SMIM29: variants seen among roughly 807,000 people sequenced by gnomAD.
The protein encoded by SMIM29 is small integral membrane protein 29, also known as uncharacterized protein C6orf1.
Under a neutral mutation model 12.9 loss-of-function variants are expected in SMIM29, and 4 were observed. That is an observed-to-expected ratio of 0.31 (90% confidence interval 0.15 to 0.71). SMIM29 has a LOEUF of 0.71. Ranked by LOEUF, SMIM29 falls within the 30% of genes least tolerant of loss-of-function variation. The pLI, the probability that SMIM29 is intolerant of heterozygous loss-of-function variation, is 0.70. For synonymous variants in SMIM29, 50 were observed against 52.0 expected, an observed-to-expected ratio of 0.96 and a Z score of 0.17; for missense variants, 122 against 138.1, an observed-to-expected ratio of 0.88 and a Z score of 0.58.
At chr6:34,248,448 G>A (rs1399860581) in intron 1 of SMIM29, 2 of 983,890 alleles carry the variant, frequency 2.0e-6, no homozygotes, top group African/African-American at 3.5e-5. Flanking sequence ...GGGTGGACAC[G>A]AGTGGGTAAA....
chr6:34,247,767 C>G lies in SMIM29; in HGVS notation c.25G>C (p.Ala9Pro). 1 of 1,352,080 alleles carries G rather than the reference C, an allele frequency of 7.4e-7. No homozygotes were observed. The allele number at this position is 1,352,080 out of a possible 1,614,324, so 83.8% of individuals were successfully genotyped here. A position where few individuals can be genotyped will look rare whatever the true frequency, so the allele number is the denominator to read the frequency against. Residue 9 changes from alanine (A) to proline (P), a missense_variant, in exon 2 of 5, where the codon GCC becomes CCC. By Grantham distance (27) the Ala-to-Pro change is conservative (BLOSUM62 -1). Coordinates refer to ENST00000476320, the MANE Select transcript of SMIM29 (RefSeq NM_001008703.4). Reference protein sequence around the residue: MSNTTVPNAPQANSDSMVG... With the variant: MSNTTVPNPPQANSDSMVG... ...ATGGAGTCGCTGTTGGCCTGGGGGG[C>G]ATTGGGCACAGTGGTGTTACTCATG... is the stretch of plus-strand genomic sequence containing the variant.
rs775701203 is a variant in SMIM29, at chr6:34,246,808, T to A, written c.304A>T (p.Thr102Ser). Reference protein sequence around the residue: ...HKRMPLLDVKT With the variant: ...HKRMPLLDVKS ...GGTGGGGCAAGGGGGTCAGGTCACG[T>A]CTTGACATCCAGCAGTGGCATCCGC... Residue 102 changes from threonine to serine, a missense_variant, in exon 5 of 5, where the codon ACG becomes TCG. Coordinates refer to ENST00000476320, the MANE Select transcript of SMIM29 (RefSeq NM_001008703.4). 6.2e-7 allele frequency: 1 copy of A among 1,612,780 alleles called. No homozygotes were observed. The highest frequency in any genetic ancestry group is 1.1e-5 in the South Asian group (1 of 91,068).
chr6:34,246,570 C>T lies in SMIM29; in HGVS notation c.*233G>A, dbSNP rs755496111. On this transcript the variant is annotated 3_prime_UTR_variant, in exon 5 of 5. Transcript: ENST00000476320. ...CCCATCCCAGAAGGAAAGCCTCTTC[C>T]CATGAGTGCCTGTGGGTGGGCGGTG... is the stretch of plus-strand genomic sequence containing the variant. 5 of 1,601,162 alleles carry T rather than the reference C, an allele frequency of 3.1e-6. No homozygotes were observed. Among genetic ancestry groups the T allele is most frequent in the South Asian group, 2.2e-5 (2 of 89,776 alleles).
chr6:34,247,186 C>T (rs1762829215), intron 3 of SMIM29, 37 bp from the exon 4 acceptor site: 6 of 1,604,776 alleles, frequency 3.7e-6, no homozygotes, highest in East Asian at 4.5e-5. Context: ...TAGGAGGTCC[C>T]CCCAACCCTC....
chr6:34,248,911 A>T lies in SMIM29; in HGVS notation c.-74+68T>A, dbSNP rs931250638. On this transcript the variant is annotated intron_variant, in intron 1 of 4. Coordinates refer to ENST00000476320, the MANE Select transcript of SMIM29 (RefSeq NM_001008703.4). ...GCCGCCCCGCGCCCGAACATCCTGG[A>T]AGCCCGTCACCCGAGGCGTGGACCC... 3 of 985,520 alleles carry T rather than the reference A, an allele frequency of 3.0e-6. No individual in the cohort carries two copies. In the African/African-American group the frequency reaches 5.2e-5, roughly 17 times the overall value. 61.0% of individuals were successfully genotyped at this position (985,520 alleles called of 1,614,324 possible). A position where few individuals can be genotyped will look rare whatever the true frequency, so the allele number is the denominator to read the frequency against.
intron 2 of SMIM29, 23 bp downstream of exon 2, chr6:34,247,658 G>C (rs961118583): frequency 2.8e-6 from 4 of 1,432,764 alleles, no homozygotes; most frequent in Non-Finnish European, 3.6e-6. Context: ...GTGGGTGTCT[G>C]TGTGTATATG....
At position 34,246,451 on chromosome 6, in the gene SMIM29, A is replaced by G. The variant is rs1250328352; in HGVS notation, c.*352T>C. On this transcript the variant is annotated 3_prime_UTR_variant, in exon 5 of 5. Coordinates refer to ENST00000476320, the MANE Select transcript of SMIM29 (RefSeq NM_001008703.4). ...TACTGAATACTATACATCTGGCCCC[A>G]TCACCATGGAAACAACTCCAAAGCC... is the stretch of plus-strand genomic sequence containing the variant. The G allele has an allele frequency of 2.5e-5, 38 of 1,500,740 alleles. No individual in the cohort carries two copies. In the East Asian group the frequency reaches 8.2e-4, roughly 32 times the overall value. The allele number at this position is 1,500,740 out of a possible 1,614,324, so 93.0% of individuals were successfully genotyped here. A position where few individuals can be genotyped will look rare whatever the true frequency, so the allele number is the denominator to read the frequency against.
At position 34,247,758 on chromosome 6, in the gene SMIM29, C is replaced by T. The variant is rs949451579; in HGVS notation, c.34G>A (p.Ala12Thr). The change falls in exon 2 of 5, where the codon GCC becomes ACC. Residue 12 changes from alanine (A) to threonine (T), a missense_variant. Ala to Thr is a moderately conservative substitution (Grantham distance 58). Transcript: ENST00000476320. ...SNTTVPNAPQ[A>T]NSDSMVGYVL... ...TAGCCCACCATGGAGTCGCTGTTGG[C>T]CTGGGGGGCATTGGGCACAGTGGTG... 6.0e-5 allele frequency: 82 copies of T among 1,355,594 alleles called. No homozygotes were observed. The Admixed American group carries it at 8.1e-4, about 13-fold the overall frequency. The allele number at this position is 1,355,594 out of a possible 1,614,324, so 84.0% of individuals were successfully genotyped here.
In SMIM29 at chr6:34,246,592, G is replaced by C. The variant is rs536519619; in HGVS notation, c.*211C>G. On this transcript the variant is annotated 3_prime_UTR_variant, in exon 5 of 5. Transcript: ENST00000476320. ...TTCCCATGAGTGCCTGTGGGTGGGC[G>C]GTGAGCTCAACACCCACAAAGGGCA... is the stretch of plus-strand genomic sequence containing the variant. 1.9e-6 allele frequency: 3 copies of C among 1,610,334 alleles called. No individual in the cohort carries two copies. In the Admixed American group the frequency reaches 5.0e-5, roughly 27 times the overall value.
intron 3 of SMIM29, 159 bp from the exon 4 acceptor site, chr6:34,247,308 G>T (rs998688808): frequency 3.9e-6 from 6 of 1,542,862 alleles, no homozygotes; most frequent in Middle Eastern, 3.4e-4. Flanking sequence ...TCTACAAAGG[G>T]GCTTTCCCCA....
rs186523344 is a variant in SMIM29 at position 34,247,749 on chromosome 6, C to T, written c.43G>A (p.Asp15Asn). ...CCCAACACATAGCCCACCATGGAGT[C>T]GCTGTTGGCCTGGGGGGCATTGGGC... ...TVPNAPQANSDSMVGYVLGPF... is the reference protein window; with the variant it reads ...TVPNAPQANSNSMVGYVLGPF... The change falls in exon 2 of 5, where the codon GAC (aspartate) becomes AAC (asparagine). Residue 15 changes from aspartate (D) to asparagine (N), a missense_variant. By Grantham distance (23) the Asp-to-Asn change is conservative. Coordinates refer to ENST00000476320, the MANE Select transcript of SMIM29 (RefSeq NM_001008703.4). 3.8e-5 allele frequency: 52 copies of T among 1,354,302 alleles called. No homozygotes were observed. The East Asian group carries it at 1.3e-3, about 34-fold the overall frequency. The allele number at this position is 1,354,302 out of a possible 1,614,324, so 83.9% of individuals were successfully genotyped here.
At chr6:34,248,480 G>A in intron 1 of SMIM29, 1 of 982,714 alleles carries the variant, frequency 1.0e-6, no homozygotes. Context: ...TCTTCAAGAT[G>A]ATGTCACCTT....
Position 34,246,657 on chromosome 6 carries a change from A to G in SMIM29, c.*146T>C. 6.2e-7 allele frequency: 1 copy of G among 1,613,918 alleles called. No individual in the cohort carries two copies. The highest frequency in any genetic ancestry group is 8.5e-7 in the Non-Finnish European group (1 of 1,179,966). ...AGTGAGGTGATGGTGAGGGCATGGG[A>G]AGCAGATGCTGCTGAGGGTGGGTGG... On this transcript the variant is annotated 3_prime_UTR_variant, in exon 5 of 5. Transcript: ENST00000476320.
chr6:34,246,952 A>T, intron 4 of SMIM29, 84 bp from the exon 5 acceptor site: 1 of 1,606,520 alleles, frequency 6.2e-7, no homozygotes, highest in South Asian at 1.1e-5. Context: ...AGTAAGCAGA[A>T]CCAGGCTCTG....
rs749339008 is a variant in SMIM29 at position 34,247,052 on chromosome 6, C to T, written c.235G>A (p.Asp79Asn). 27 of 1,613,994 alleles carry T rather than the reference C, an allele frequency of 1.7e-5. No homozygotes were observed. The South Asian group carries it at 2.3e-4, about 14-fold the overall frequency. ...GGCCCCCAAGTGCTCACCTTGGGGT[C>T]TCCCATGTCAGAGAGCAGCTCCTGC... ...AEQELLSDMGDPKVVHGWQSG... is the reference protein window; with the variant it reads ...AEQELLSDMGNPKVVHGWQSG... The change falls in exon 4 of 5, where the codon GAC becomes AAC. Residue 79 changes from aspartate (D) to asparagine (N), a missense_variant. Asp to Asn is a conservative substitution (Grantham distance 23). Coordinates refer to ENST00000476320, the MANE Select transcript of SMIM29 (RefSeq NM_001008703.4).
intron 1 of SMIM29, chr6:34,248,596 G>T (rs1762897224): frequency 1.0e-6 from 1 of 985,580 alleles, no homozygotes; most frequent in African/African-American, 1.7e-5. Context: ...CAAAGAGATC[G>T]TCCTGGGGCA....
chr6:34,247,489 T>C lies in SMIM29; in HGVS notation c.115A>G (p.Met39Val). The C allele has an allele frequency of 6.3e-7, 1 of 1,577,692 alleles. No individual in the cohort carries two copies. The highest frequency in any genetic ancestry group is 1.2e-5 in the South Asian group (1 of 85,682). Residue 39 changes from methionine (M) to valine (V), a missense_variant, in exon 3 of 5, where the codon ATG (methionine) becomes GTG (valine). Physicochemically the swap from Met to Val is conservative, Grantham distance 21. Transcript: ENST00000476320. ...CACCGCTTTTTCTTCTGTACATACA[T>C]TACCTGCAACAGAGACACAGCACTG... Reference protein sequence around the residue: ...TLVGVVVAVVMYVQKKKRVDR... With the variant: ...TLVGVVVAVVVYVQKKKRVDR...
chr6:34,246,857 G>T lies in SMIM29; in HGVS notation c.255C>A (p.Gly85=). ...SDMGDPKVVH[G]WQSGYQHKRM... Reference sequence around the variant, plus strand: ...GCTTGTGCTGGTAGCCACTCTGCCAGCCATGTACCACCTGTCGGGGAGGAG... The same window carrying T: ...GCTTGTGCTGGTAGCCACTCTGCCATCCATGTACCACCTGTCGGGGAGGAG... The change falls in exon 5 of 5, where the codon GGC becomes GGA. Residue 85 remains glycine, a synonymous_variant. Coordinates refer to ENST00000476320, the MANE Select transcript of SMIM29 (RefSeq NM_001008703.4). 6.2e-7 allele frequency: 1 copy of T among 1,608,950 alleles called. No individual in the cohort carries two copies. The highest frequency in any genetic ancestry group is 8.5e-7 in the Non-Finnish European group (1 of 1,177,038).
intron 3 of SMIM29, 99 bp from the exon 4 acceptor site, chr6:34,247,248 C>A: frequency 6.3e-7 from 1 of 1,595,302 alleles, no homozygotes; most frequent in East Asian, 2.3e-5. Flanking sequence ...GGGGCAATTC[C>A]AGTGGGTGCC....
Sources: gnomAD v4.1 joint callset for allele counts on GRCh38, gnomAD v4.1.1 for gene constraint, MANE v1.5 for transcripts, NCBI Gene and HGNC (gene_info 2026-07-23, HGNC 2026-07-21) for gene names.